Variants in ATP6AP2 observed in about 807,000 individuals in gnomAD.
ATP6AP2 encodes renin receptor.
A neutral mutation model predicts 23.4 loss-of-function variants in ATP6AP2; 1 was observed. That is an observed-to-expected ratio of 0.04 (90% CI 0.02 to 0.20). The LOEUF is 0.20. Ranked by LOEUF, ATP6AP2 falls within the 10% of genes least tolerant of loss-of-function variation. ATP6AP2 has a pLI of 1.00. For missense variants in ATP6AP2, 174 were observed against 271.3 expected (o/e 0.64, Z 2.52); for synonymous variants, 90 against 97.1 (o/e 0.93, Z 0.43).
intron 1 of ATP6AP2, among the ~76,000 whole-genome samples, chrX:40,583,236 G>C (rs1298839015): frequency 2.7e-5 from 3 of 111,413 alleles, no homozygotes; most frequent in Non-Finnish European, 5.7e-5. Context: ...GAGGGAGATA[G>C]GATCCATTTT....
intron 1 of ATP6AP2, among the ~76,000 whole-genome samples, chrX:40,583,962 T>C (rs1441955735): frequency 9.0e-6 from 1 of 111,521 alleles, no homozygotes; most frequent in Non-Finnish European, 1.9e-5. Flanking sequence ...CTGGGAGAGA[T>C]GTAGAATAGG....
At chrX:40,599,498 T>C in intron 6 of ATP6AP2, 94 bp from the exon 7 acceptor site, 2 of 1,039,149 alleles carry the variant, frequency 1.9e-6, no homozygotes, top group South Asian at 3.8e-5. Context: ...TAGTTTAGCC[T>C]AGTTTAGTTA....
intron 1 of ATP6AP2, among the ~76,000 whole-genome samples, chrX:40,584,605 C>T (rs768849859): frequency 6.2e-4 from 69 of 110,867 alleles, no homozygotes; most frequent in Non-Finnish European, 1.1e-3. Flanking sequence ...CTCAGTCTCC[C>T]GAGTAGCTAG....
chrX:40,582,992 G>A lies in ATP6AP2; in HGVS notation c.37+1890G>A, dbSNP rs141268929. 9.8e-3 allele frequency among the ~76,000 whole-genome samples: 1,103 copies of A among 112,187 alleles called. 13 individuals carry two copies. Among genetic ancestry groups the A allele is most frequent in the African/African-American group, 0.034 (1,052 of 30,875 alleles). ...TTCCACAATGACTAAATGTGATGTA[G>A]TGGAAAACATCTTTAAGAGCTCTGA... On this transcript the variant is annotated intron_variant, in intron 1 of 8. Coordinates refer to ENST00000636580, the MANE Select transcript of ATP6AP2 (RefSeq NM_005765.3).
intron 3 of ATP6AP2, 36 bp downstream of exon 3, chrX:40,591,401 T>G (rs766796254): frequency 8.4e-7 from 1 of 1,184,921 alleles, no homozygotes; most frequent in South Asian, 1.8e-5. Context: ...AGGGATGCAT[T>G]TTACATTTTC....
In ATP6AP2 at chrX:40,581,298, G is replaced by A. The variant is rs763567992; in HGVS notation, c.37+196G>A. Among the ~76,000 whole-genome samples the A allele has an allele frequency of 7.9e-5, 9 of 113,465 alleles. No homozygotes were observed. In the South Asian group the frequency reaches 3.2e-3, roughly 40 times the overall value. ...TGGCGGCGCGGCCTCACGGGCCGCC[G>A]GGGCCGGGGCTGGGCTGCGTAGGGG... On this transcript the variant is annotated intron_variant, in intron 1 of 8. Coordinates refer to ENST00000636580, the MANE Select transcript of ATP6AP2 (RefSeq NM_005765.3).
At chrX:40,605,177 G>C (rs1386947425) in intron 8 of ATP6AP2, 1 of 142,509 alleles carries the variant, frequency 7.0e-6, no homozygotes, top group Non-Finnish European at 1.4e-5. Flanking sequence ...TGATCTGCCC[G>C]CCTTGGCCTC....
chrX:40,583,478 G>A (rs1019321586), intron 1 of ATP6AP2, among the ~76,000 whole-genome samples: 3 of 111,935 alleles, frequency 2.7e-5, no homozygotes, highest in Non-Finnish European at 5.6e-5. Context: ...AAGTAGTTTG[G>A]TGGGGCTGAA....
chrX:40,605,442 C>A, intron 8 of ATP6AP2, 119 bp from the exon 9 acceptor site: 1 of 650,740 alleles, frequency 1.5e-6, no homozygotes, highest in Non-Finnish European at 2.4e-6. Context: ...GTATAAGTAG[C>A]TGTTATGCCA....
At chrX:40,601,838 C>T (rs1012004551) in intron 8 of ATP6AP2, among the ~76,000 whole-genome samples, 9 of 112,172 alleles carry the variant, frequency 8.0e-5, no homozygotes, top group East Asian at 2.8e-4. Flanking sequence ...GATAGTCTAG[C>T]GATTACTGGT....
intron 3 of ATP6AP2, among the ~76,000 whole-genome samples, chrX:40,595,207 G>T (rs917657947): frequency 8.9e-6 from 1 of 112,115 alleles, no homozygotes; most frequent in Non-Finnish European, 1.9e-5. Flanking sequence ...GCTGTGTGAG[G>T]AGCTCATTTT....
rs764547484 is a variant in ATP6AP2 at position 40,599,738 on chromosome X, A to G, written c.735A>G (p.Gln245=). ...DASKILVDAL[Q]KFADDMYSLY... is the part of the protein sequence containing the mutation. ...CTAAGATCCTTGTTGACGCTCTGCAAAAGGTAAATATCAATGCGACATGAG... is the reference window on the plus strand; with the variant it reads ...CTAAGATCCTTGTTGACGCTCTGCAGAAGGTAAATATCAATGCGACATGAG... Residue 245 remains glutamine, a synonymous_variant, in exon 7 of 9, where the codon CAA becomes CAG. Transcript: ENST00000636580. The G allele has an allele frequency of 3.1e-5, 37 of 1,210,904 alleles. No individual in the cohort carries two copies. Among genetic ancestry groups the G allele is most frequent in the Non-Finnish European group, 4.0e-5 (36 of 895,171 alleles).
intron 3 of ATP6AP2, among the ~76,000 whole-genome samples, chrX:40,594,952 A>C (rs777499557): frequency 2.7e-5 from 3 of 112,149 alleles, no homozygotes; most frequent in Non-Finnish European, 5.6e-5. Context: ...AGCTAAAGAA[A>C]GCGGAAGAAC....
chrX:40,587,746 G>A (rs1007411955), intron 1 of ATP6AP2, among the ~76,000 whole-genome samples: 6 of 112,304 alleles, frequency 5.3e-5, no homozygotes, highest in African/African-American at 1.9e-4. Context: ...TGCATCTGTA[G>A]TCCTAGCTAC....
chrX:40,590,145 T>TTCCTGCCTCAGCC (rs1402844269), intron 2 of ATP6AP2: 2 of 111,725 alleles, frequency 1.8e-5, no homozygotes, highest in African/African-American at 6.5e-5. Flanking sequence ...CCAAGTGATC[T>TTCCTGCCTCAGCC]TCCTGCCTCA....
Position 40,599,184 on chromosome X carries a change from T to C in ATP6AP2, c.589-408T>C, listed in dbSNP as rs780531685. The stretch of plus-strand genomic sequence containing the variant: ...CTTGTTACTGAAATAGAAATTCTTA[T>C]CTGTTTGCTACCTTCTGAAGTTGTT... On this transcript the variant is annotated intron_variant, in intron 6 of 8. Transcript: ENST00000636580. The C allele has an allele frequency of 2.6e-4, 55 of 212,822 alleles. No individual in the cohort carries two copies. In the East Asian group the frequency reaches 6.1e-3, roughly 24 times the overall value. The allele number at this position is 212,822 out of a possible 1,213,427, so 17.5% of individuals were successfully genotyped here.
At chrX:40,581,242 G>A (rs867497089) in intron 1 of ATP6AP2, 140 bp downstream of exon 1, 7 of 674,000 alleles carry the variant, frequency 1.0e-5, no homozygotes, top group Non-Finnish European at 1.4e-5. Flanking sequence ...CCTCAGCCGC[G>A]TCCCCGTCAG....
chrX:40,596,962 T>A (rs1459955720), intron 3 of ATP6AP2: 1 of 258,376 alleles, frequency 3.9e-6, no homozygotes, highest in African/African-American at 2.8e-5. Flanking sequence ...CTGCTTCAAA[T>A]ACATGAATGA....
At chrX:40,583,666 GC>G (rs1246117453) in intron 1 of ATP6AP2, among the ~76,000 whole-genome samples, 1 of 111,932 alleles carries the variant, frequency 8.9e-6, no homozygotes, top group Non-Finnish European at 1.9e-5. Context: ...TTAGAGAGTG[GC>G]ATGACAAGGG....
Sources: gnomAD v4.1 joint callset for allele counts (sites outside exome capture counted in the v4.1 genomes callset) on GRCh38, gnomAD v4.1.1 for gene constraint, MANE v1.5 for transcripts, NCBI Gene and HGNC (gene_info 2026-07-23, HGNC 2026-07-21) for gene names.